ECM2: variants seen among roughly 807,000 people sequenced by gnomAD.
The protein encoded by ECM2 is extracellular matrix protein 2, female organ and adipocyte specific.
ECM2 carries 57 observed loss-of-function variants against 67.5 expected under a neutral mutation model. The ratio of observed to expected loss-of-function variants is 0.84; its 90% CI spans 0.68 to 1.05. The LOEUF (loss-of-function observed/expected upper bound fraction) is 1.05. Among genes scored for constraint, ECM2 ranks in the 50% least tolerant of loss-of-function variants. The pLI is 0.00. For synonymous variants in ECM2, 258 were observed against 294.5 expected (o/e 0.88, Z 1.27); for missense variants, 741 against 822.8 (o/e 0.90, Z 1.22).
At chr9:92,543,240 G>A in the ECM2 span, among the ~76,000 whole-genome samples, 2 of 152,140 alleles carry the variant, frequency 1.3e-5, no homozygotes, top group Non-Finnish European at 2.9e-5. Flanking sequence ...GGGAGGCCAA[G>A]GCAGGTGGAT....
rs775779497 is a variant in ECM2, at chr9:92,500,735, G to T, written c.1923C>A (p.Asn641Lys). 5 of 1,608,710 alleles carry T rather than the reference G, an allele frequency of 3.1e-6. No homozygotes were observed. The South Asian group carries it at 4.4e-5, about 14-fold the overall frequency. Residue 641 changes from asparagine to lysine, a missense_variant, in exon 9 of 10, where the codon AAC becomes AAA. Physicochemically the swap from Asn to Lys is moderately conservative, Grantham distance 94. Coordinates refer to ENST00000344604, the MANE Select transcript of ECM2 (RefSeq NM_001393.4). Reference sequence around the variant, plus strand: ...AAAAAGCCAAAATTTACCGTATCTTGTTGTTGTTCAGCCTCAGAAAATGTA... The same window carrying T: ...AAAAAGCCAAAATTTACCGTATCTTTTTGTTGTTCAGCCTCAGAAAATGTA... Reference protein sequence around the residue: ...KALHFLRLNNNKIRNILPEEI... With the variant: ...KALHFLRLNNKKIRNILPEEI...
chr9:92,511,573 C>G (rs1254852158), intron 5 of ECM2, among the ~76,000 whole-genome samples: 1 of 152,064 alleles, frequency 6.6e-6, no homozygotes, highest in Non-Finnish European at 1.5e-5. Context: ...CCAGAACCCC[C>G]TTCTGCCAAA....
At chr9:92,552,188 TATACAC>T in the ECM2 span, among the ~76,000 whole-genome samples, 1 of 100,124 alleles carries the variant, frequency 1.0e-5, no homozygotes, top group Non-Finnish European at 1.8e-5. Context: ...AGATCTATCA[TATACAC>T]ACACACACAC....
chr9:92,502,744 C>G (rs1229643729), intron 7 of ECM2, 92 bp from the exon 8 acceptor site: 1 of 1,012,570 alleles, frequency 9.9e-7, no homozygotes, highest in African/African-American at 1.7e-5. Context: ...AGACTATTAT[C>G]ATTAGTATTA....
downstream of ECM2, among the ~76,000 whole-genome samples, chr9:92,494,968 T>C (rs1171017309): frequency 6.6e-6 from 1 of 152,184 alleles, no homozygotes; most frequent in Non-Finnish European, 1.5e-5. Context: ...AAACTGAAAG[T>C]CACCCATGAA....
intron 1 of ECM2, among the ~76,000 whole-genome samples, chr9:92,533,196 A>T (rs1361937896): frequency 6.7e-6 from 1 of 148,220 alleles, no homozygotes; most frequent in African/African-American, 2.5e-5. Flanking sequence ...GATACTCAGG[A>T]AGCTGAGGCA....
chr9:92,531,314 A>G (rs1177416238), intron 1 of ECM2, among the ~76,000 whole-genome samples: 1 of 152,074 alleles, frequency 6.6e-6, no homozygotes, highest in Non-Finnish European at 1.5e-5. Flanking sequence ...TTGACTTATC[A>G]AAGTCTTAAT....
intron 9 of ECM2, among the ~76,000 whole-genome samples, chr9:92,499,006 T>C (rs1371867264): frequency 6.6e-6 from 1 of 152,210 alleles, no homozygotes; most frequent in Non-Finnish European, 1.5e-5. Context: ...TCGTTCCCAC[T>C]TGGGGCTTCT....
chr9:92,542,205 G>C, the ECM2 span, among the ~76,000 whole-genome samples: 29 of 152,112 alleles, frequency 1.9e-4, no homozygotes, highest in Non-Finnish European at 3.4e-4. Flanking sequence ...TTTCTTAAAG[G>C]GAGATGTATT....
intron 1 of ECM2, among the ~76,000 whole-genome samples, chr9:92,531,533 T>C (rs1017444102): frequency 5.3e-5 from 8 of 152,204 alleles, no homozygotes; most frequent in African/African-American, 1.9e-4. Context: ...TTGCGCCAGA[T>C]AATTCTTTTT....
chr9:92,553,327 A>C, the ECM2 span, among the ~76,000 whole-genome samples: 11 of 152,076 alleles, frequency 7.2e-5, no homozygotes, highest in African/African-American at 2.4e-4. Context: ...TATAGTTTGA[A>C]ATTAGGTTGT....
At chr9:92,507,651 A>G (rs1316898539) in intron 6 of ECM2, among the ~76,000 whole-genome samples, 1 of 152,222 alleles carries the variant, frequency 6.6e-6, no homozygotes, top group Non-Finnish European at 1.5e-5. Flanking sequence ...CCTGGCAGGC[A>G]GCATCACATG....
the ECM2 span, among the ~76,000 whole-genome samples, chr9:92,544,708 A>C: frequency 7.6e-6 from 1 of 131,888 alleles, no homozygotes; most frequent in South Asian, 2.4e-4. Context: ...TGTTATCACT[A>C]TAAATTTTTT....
intron 8 of ECM2, 56 bp from the exon 9 acceptor site, chr9:92,501,109 T>C (rs1846646943): frequency 6.4e-7 from 1 of 1,551,298 alleles, no homozygotes; most frequent in Non-Finnish European, 8.8e-7. Flanking sequence ...GATCATCAGC[T>C]CTAAATTTTG....
chr9:92,532,116 C>G (rs1438301118), intron 1 of ECM2, among the ~76,000 whole-genome samples: 1 of 147,520 alleles, frequency 6.8e-6, no homozygotes, highest in African/African-American at 2.6e-5. Context: ...CTGACTCAAC[C>G]TTTCGAGTAG....
rs757724013 is a variant in ECM2 at position 92,522,872 on chromosome 9, AT to A, written c.-7del. 1 of 1,586,076 alleles carries A rather than the reference AT, an allele frequency of 6.3e-7. No individual in the cohort carries two copies. Among genetic ancestry groups the A allele is most frequent in the South Asian group, 1.2e-5 (1 of 86,850 alleles). On this transcript the variant is annotated 5_prime_UTR_variant, in exon 2 of 10. Transcript: ENST00000344604. Reference sequence around the variant, plus strand: ...AACAAAACTGCAATCTTCATGTTTGATTTTTTTCCACCAGCCAATTTCTAGA... The same window carrying A: ...AACAAAACTGCAATCTTCATGTTTGATTTTTTCCACCAGCCAATTTCTAGA...
intron 2 of ECM2, among the ~76,000 whole-genome samples, chr9:92,518,124 C>T (rs759319179): frequency 5.9e-5 from 9 of 152,140 alleles, no homozygotes; most frequent in African/African-American, 9.7e-5. Flanking sequence ...GGCTGAACTG[C>T]GCTTCCATTT....
chr9:92,502,804 CTTTTTTTTT>C (rs34408968), intron 7 of ECM2, 152 bp from the exon 8 acceptor site: 5 of 296,428 alleles, frequency 1.7e-5, no homozygotes, highest in African/African-American at 3.3e-5. Context: ...TTTAAGTTGT[CTTTTTTTTT>C]TTTTTTTTTT....
At chr9:92,544,173 T>C in the ECM2 span, among the ~76,000 whole-genome samples, 5 of 152,250 alleles carry the variant, frequency 3.3e-5, no homozygotes. Context: ...ACTGTGCACT[T>C]GTCATAAATG....
Sources: gnomAD v4.1 joint callset for allele counts (sites outside exome capture counted in the v4.1 genomes callset) on GRCh38, gnomAD v4.1.1 for gene constraint, MANE v1.5 for transcripts, NCBI Gene and HGNC (gene_info 2026-07-23, HGNC 2026-07-21) for gene names.